The following PCDHGA6 variants were observed in gnomAD, a reference collection of about 807,000 sequenced individuals.
PCDHGA6 encodes the protein protocadherin gamma-A6.
Under a neutral mutation model 60.6 loss-of-function variants are expected in PCDHGA6, and 41 were observed. That is an observed-to-expected ratio of 0.68 (90% CI 0.53 to 0.88). The LOEUF is 0.88. Among genes scored for constraint, PCDHGA6 ranks in the 40% least tolerant of loss-of-function variants. PCDHGA6 has a pLI of 0.00. For synonymous variants in PCDHGA6, 594 were observed against 524.4 expected (o/e 1.13, Z -1.81); for missense variants, 1,312 against 1,203.0 (o/e 1.09, Z -1.34).
intron 1 of PCDHGA6, chr5:141,400,163 ACC>A (rs2093974471): frequency 6.2e-7 from 1 of 1,613,712 alleles, no homozygotes. Context: ...GTACCCTCTG[ACC>A]CCCAGGCTGA....
intron 3 of PCDHGA6, 46 bp downstream of exon 3, chr5:141,505,527 T>C: frequency 6.2e-7 from 1 of 1,612,388 alleles, no homozygotes; most frequent in Non-Finnish European, 8.5e-7. Context: ...GACCTGGGGT[T>C]CTGGGGTGCA....
At chr5:141,497,500 T>G (rs1468175808) in intron 2 of PCDHGA6, among the ~76,000 whole-genome samples, 2 of 151,562 alleles carry the variant, frequency 1.3e-5, no homozygotes, top group Non-Finnish European at 2.9e-5. Context: ...CTCTCTCCTC[T>G]CTCTGCTTCC....
At chr5:141,435,391 A>C (rs1328617100) in intron 1 of PCDHGA6, among the ~76,000 whole-genome samples, 5 of 152,202 alleles carry the variant, frequency 3.3e-5, no homozygotes, top group African/African-American at 1.2e-4. Flanking sequence ...CCGTATTGCC[A>C]TGACGAAAAA....
chr5:141,488,980 C>A, intron 1 of PCDHGA6: 1 of 392,340 alleles, frequency 2.5e-6, no homozygotes, highest in Non-Finnish European at 4.5e-6. Flanking sequence ...CAATCAGACT[C>A]AGAGCTGAGG....
Position 141,389,832 on chromosome 5 carries a change from C to T in PCDHGA6, c.2424+13325C>T, listed in dbSNP as rs758113562. ...GGTCGCCGTGCGTGACGGTGGACAG[C>T]CACCACTCTCGGCCACTGCCACGTT... On this transcript the variant is annotated intron_variant, in intron 1 of 3. Coordinates refer to ENST00000517434, the MANE Select transcript of PCDHGA6 (RefSeq NM_018919.3). The T allele has an allele frequency of 2.2e-5, 36 of 1,613,848 alleles. 1 individual carries two copies. The South Asian group carries it at 3.8e-4, about 17-fold the overall frequency.
chr5:141,423,755 G>GGGA, intron 1 of PCDHGA6: 3 of 512,508 alleles, frequency 5.9e-6, no homozygotes, highest in Non-Finnish European at 7.8e-6. Flanking sequence ...CTGTTTGGGG[G>GGGA]GGGGGTGGGG....
intron 1 of PCDHGA6, chr5:141,409,830 G>C: frequency 6.2e-7 from 1 of 1,611,250 alleles, no homozygotes; most frequent in Non-Finnish European, 8.5e-7. Context: ...CCCACGCTCA[G>C]CGCCAACGTG....
At chr5:141,405,767 T>C (rs957910070) in intron 1 of PCDHGA6, among the ~76,000 whole-genome samples, 2 of 152,128 alleles carry the variant, frequency 1.3e-5, no homozygotes, top group African/African-American at 4.8e-5. Flanking sequence ...CGTGAGCCAC[T>C]GCGCCTGGCC....
At chr5:141,394,425 G>A (rs2092997484) in intron 1 of PCDHGA6, 6 of 1,614,232 alleles carry the variant, frequency 3.7e-6, no homozygotes, top group Non-Finnish European at 5.1e-6. Flanking sequence ...CAGCGACAGC[G>A]GGGACCCGCC....
intron 1 of PCDHGA6, chr5:141,416,921 G>C (rs985660835): frequency 6.6e-6 from 1 of 151,994 alleles, no homozygotes; most frequent in Non-Finnish European, 1.5e-5. Flanking sequence ...TAGGGTCATA[G>C]TTATTAACTA....
chr5:141,444,594 T>C (rs2098442338), intron 1 of PCDHGA6, among the ~76,000 whole-genome samples: 1 of 152,244 alleles, frequency 6.6e-6, no homozygotes, highest in South Asian at 2.1e-4. Flanking sequence ...ACTTACCTTA[T>C]TTAAAATTGA....
intron 1 of PCDHGA6, chr5:141,412,915 T>C (rs1167427710): frequency 2.0e-5 from 8 of 407,356 alleles, no homozygotes; most frequent in Non-Finnish European, 2.6e-5. Flanking sequence ...ATGTATCACT[T>C]GGGTGCAGTA....
At chr5:141,403,928 G>A in intron 1 of PCDHGA6, 1 of 1,613,876 alleles carries the variant, frequency 6.2e-7, no homozygotes, top group Non-Finnish European at 8.5e-7. Flanking sequence ...AGATGGTGGG[G>A]GATTGAAAGG....
Position 141,394,191 on chromosome 5 carries a change from T to C in PCDHGA6, c.2424+17684T>C, listed in dbSNP as rs775886477. 3 of 1,613,764 alleles carry C rather than the reference T, an allele frequency of 1.9e-6. No homozygotes were observed. The Admixed American group carries it at 5.0e-5, about 27-fold the overall frequency. On this transcript the variant is annotated intron_variant, in intron 1 of 3. Coordinates refer to ENST00000517434, the MANE Select transcript of PCDHGA6 (RefSeq NM_018919.3). ...TTTCCCTCATGCCTCCTACTCAGCG[T>C]ATATCCTAGAGAACAACCTGAGAGG...
chr5:141,418,509 G>A, intron 1 of PCDHGA6: 1 of 1,613,986 alleles, frequency 6.2e-7, no homozygotes. Context: ...GCCTTAGATG[G>A]TGGGGACCCT....
intron 1 of PCDHGA6, chr5:141,394,936 T>G: frequency 1.2e-6 from 2 of 1,613,836 alleles, no homozygotes; most frequent in Non-Finnish European, 8.5e-7. Flanking sequence ...CTCGCCTTTG[T>G]CGCTGTGCTT....
chr5:141,472,263 C>T (rs978647191), intron 1 of PCDHGA6, among the ~76,000 whole-genome samples: 7 of 152,144 alleles, frequency 4.6e-5, no homozygotes, highest in South Asian at 2.1e-4. Flanking sequence ...ATATTATAGC[C>T]GGGCACAGTG....
At chr5:141,460,010 G>A (rs376180479) in intron 1 of PCDHGA6, among the ~76,000 whole-genome samples, 1 of 152,126 alleles carries the variant, frequency 6.6e-6, no homozygotes, top group Admixed American at 6.5e-5. Context: ...CCCAGGAGGC[G>A]GAGGTTGCAG....
intron 1 of PCDHGA6, chr5:141,398,307 G>A (rs1447377921): frequency 1.5e-6 from 2 of 1,359,764 alleles, no homozygotes; most frequent in South Asian, 1.3e-5. Flanking sequence ...GCGTCCAGGA[G>A]TTACCGACTC....
Sources: allele counts gnomAD v4.1 joint callset (sites outside exome capture counted in the v4.1 genomes callset), GRCh38; gene constraint gnomAD v4.1.1; transcripts MANE v1.5; gene names NCBI Gene and HGNC (gene_info 2026-07-23, HGNC 2026-07-21).